The following TMEM44 variants were observed in gnomAD, a reference collection of about 807,000 sequenced individuals.
TMEM44 encodes the protein transmembrane protein 44.
A neutral mutation model predicts 47.8 loss-of-function variants in TMEM44; 43 were observed. That is an observed-to-expected ratio of 0.90 (90% confidence interval 0.70 to 1.16). The LOEUF (loss-of-function observed/expected upper bound fraction) is 1.16, where lower values mean the gene tolerates loss of function less well. Ranked by LOEUF, TMEM44 falls within the 50% of genes most tolerant of loss-of-function variation. The probability of loss-of-function intolerance (pLI) is 0.00; values close to 1 mark genes in which losing one functional copy is unlikely to be tolerated. For synonymous variants in TMEM44, 277 were observed against 238.8 expected, an observed-to-expected ratio of 1.16 and a Z score of -1.48; for missense variants, 568 against 555.2, an observed-to-expected ratio of 1.02 and a Z score of -0.23.
intron 6 of TMEM44, 69 bp downstream of exon 6, chr3:194,617,030 C>T: frequency 7.1e-7 from 1 of 1,408,712 alleles, no homozygotes; most frequent in Non-Finnish European, 9.3e-7. Context: ...GGGGCAGGGG[C>T]AGTGAGAGGA....
rs140459912 is a variant in TMEM44 at position 194,615,704 on chromosome 3, T to C, written c.784-7A>G. The stretch of plus-strand genomic sequence containing the variant: ...CACACGAAAGGAAAATAATCTGAGA[T>C]GGTGTAAGTTAAGGTAGGAAGCAGA... On this transcript the variant is annotated splice_polypyrimidine_tract_variant and splice_region_variant and intron_variant, in intron 6 of 9. Transcript: ENST00000347147. The C allele has an allele frequency of 1.2e-6, 2 of 1,613,534 alleles. No individual in the cohort carries two copies. Among genetic ancestry groups the C allele is most frequent in the South Asian group, 2.2e-5 (2 of 91,072 alleles).
rs1486665494 is a variant in TMEM44, at chr3:194,588,478, A to G, written c.*51T>C. 4.5e-6 allele frequency: 7 copies of G among 1,548,960 alleles called. No individual in the cohort carries two copies. The East Asian group carries it at 1.6e-4, about 35-fold the overall frequency. ...CAGATTGATTCCCGCTGCGTTACTG[A>G]ACGAACTCCTGACCCTGGGCTCTGA... On this transcript the variant is annotated 3_prime_UTR_variant, in exon 10 of 10. Coordinates refer to ENST00000347147, the MANE Select transcript of TMEM44 (RefSeq NM_001011655.3).
intron 1 of TMEM44, among the ~76,000 whole-genome samples, chr3:194,629,579 T>C (rs1258482941): frequency 6.9e-6 from 1 of 145,228 alleles, no homozygotes; most frequent in Non-Finnish European, 1.5e-5. Context: ...TTGTCGTACA[T>C]GCCTCCTGAA....
At chr3:194,606,526 G>A (rs948963372) in intron 8 of TMEM44, among the ~76,000 whole-genome samples, 9 of 152,056 alleles carry the variant, frequency 5.9e-5, no homozygotes, top group African/African-American at 1.9e-4. Flanking sequence ...TCCCTGAATC[G>A]GGCAGGCTTA....
In TMEM44 at chr3:194,604,373, G is replaced by T; in HGVS notation, c.1090C>A (p.Pro364Thr). Residue 364 changes from proline (P) to threonine (T), a missense_variant, in exon 9 of 10, where the codon CCG becomes ACG. Transcript: ENST00000347147. ...ATGACCTGAACGGGAGGGTACGACG[G>T]GGGGTCCTGCAGGGACGCATCTCCG... ...SAGDASLQDP[P>T]SYPPVQVIRA... 2 of 1,560,548 alleles carry T rather than the reference G, an allele frequency of 1.3e-6. No individual in the cohort carries two copies. Among genetic ancestry groups the T allele is most frequent in the Non-Finnish European group, 1.7e-6 (2 of 1,152,256 alleles).
Position 194,625,859 on chromosome 3 carries a change from G to T in TMEM44, c.358+38C>A, listed in dbSNP as rs758391133. 8 of 1,536,478 alleles carry T rather than the reference G, an allele frequency of 5.2e-6. No individual in the cohort carries two copies. In the Admixed American group the frequency reaches 1.3e-4, roughly 26 times the overall value. On this transcript the variant is annotated intron_variant, in intron 3 of 9. Coordinates refer to ENST00000347147, the MANE Select transcript of TMEM44 (RefSeq NM_001011655.3). Reference sequence around the variant, plus strand: ...GCATTCGGCGTGCTGATGAATGAATGGGTGAATAAAGACAGGAAAAGACAG... The same window carrying T: ...GCATTCGGCGTGCTGATGAATGAATTGGTGAATAAAGACAGGAAAAGACAG...
At chr3:194,617,785 AGGTGGTTGGGTCATGGG>A (rs1716098655) in intron 5 of TMEM44, 1 of 702,164 alleles carries the variant, frequency 1.4e-6, no homozygotes, top group African/African-American at 1.8e-5. Context: ...GCCTGGTGGG[AGGTGGTTGGGTCATGGG>A]GTGGATATCT....
intron 9 of TMEM44, among the ~76,000 whole-genome samples, chr3:194,599,066 C>A (rs1713758967): frequency 6.6e-6 from 1 of 152,138 alleles, no homozygotes; most frequent in South Asian, 2.1e-4. Context: ...TGGTCTGAGC[C>A]CAACGCCATG....
Position 194,592,855 on chromosome 3 carries a change from C to T in TMEM44, c.1177-4216G>A, listed in dbSNP as rs138218582. On this transcript the variant is annotated intron_variant, in intron 9 of 9. Coordinates refer to ENST00000347147, the MANE Select transcript of TMEM44 (RefSeq NM_001011655.3). ...TCTTGAACTCCTGACCTCAGGTGAT[C>T]GCCCACCTCGGCCTCCCAAAGTGCT... Among the ~76,000 whole-genome samples the T allele has an allele frequency of 7.2e-3, 1,101 of 152,142 alleles. 13 individuals carry two copies. Among genetic ancestry groups the T allele is most frequent in the African/African-American group, 0.023 (942 of 41,508 alleles).
chr3:194,632,601 A>G (rs921519844), intron 1 of TMEM44, among the ~76,000 whole-genome samples: 1 of 152,192 alleles, frequency 6.6e-6, no homozygotes, highest in African/African-American at 2.4e-5. Context: ...GGCCAGAAAC[A>G]TCAAGGGACT....
chr3:194,593,004 G>A, intron 9 of TMEM44: 3 of 1,612,572 alleles, frequency 1.9e-6, no homozygotes, highest in Non-Finnish European at 2.5e-6. Context: ...GCCATAGGAA[G>A]TCCCTCCTGG....
intron 9 of TMEM44, among the ~76,000 whole-genome samples, chr3:194,601,611 C>G (rs1448249924): frequency 1.3e-5 from 2 of 152,012 alleles, no homozygotes; most frequent in Non-Finnish European, 2.9e-5. Context: ...CCATGCCAGG[C>G]TAATTTTTGT....
At chr3:194,631,044 C>G (rs1438307972) in intron 1 of TMEM44, among the ~76,000 whole-genome samples, 2 of 150,358 alleles carry the variant, frequency 1.3e-5, no homozygotes, top group African/African-American at 4.9e-5. Context: ...GTCGGCATCA[C>G]TGATAGGGCC....
chr3:194,588,531 A>T lies in TMEM44; in HGVS notation c.1285T>A (p.Ter429LysextTer19). 6.2e-7 allele frequency: 1 copy of T among 1,613,698 alleles called. No individual in the cohort carries two copies. ...VRTAHLSDDD[*>K] ...TGATGAGCTGGCTCCAGAAGGTGTT[A>T]ATCATCATCACTCAGGTGTGCTGTC... The change falls in exon 10 of 10, where the codon TAA becomes AAA. Residue 429 changes from the stop codon to lysine (K), a stop_lost. Transcript: ENST00000347147.
intron 9 of TMEM44, among the ~76,000 whole-genome samples, chr3:194,594,730 G>A (rs1309287784): frequency 6.6e-6 from 1 of 151,776 alleles, no homozygotes; most frequent in Non-Finnish European, 1.5e-5. Flanking sequence ...GGTTGAAAAA[G>A]TTAACTTAGC....
rs931615155 is a variant in TMEM44, at chr3:194,610,263, G to A, written c.1017+653C>T. Reference sequence around the variant, plus strand: ...GATAGACTCCGTGTCTAAACGACCCGACCCCTGCCTCCTCCAGCCCTTTCA... The same window carrying A: ...GATAGACTCCGTGTCTAAACGACCCAACCCCTGCCTCCTCCAGCCCTTTCA... On this transcript the variant is annotated intron_variant, in intron 8 of 9. Coordinates refer to ENST00000347147, the MANE Select transcript of TMEM44 (RefSeq NM_001011655.3). 4.7e-5 allele frequency among the ~76,000 whole-genome samples: 7 copies of A among 150,462 alleles called. No homozygotes were observed. The South Asian group carries it at 1.3e-3, about 27-fold the overall frequency.
At chr3:194,621,834 C>T (rs1716573397) in intron 5 of TMEM44, among the ~76,000 whole-genome samples, 1 of 152,130 alleles carries the variant, frequency 6.6e-6, no homozygotes, top group South Asian at 2.1e-4. Context: ...CATCCTGCCT[C>T]CACAGTAGCT....
chr3:194,628,818 T>G (rs538992831), intron 1 of TMEM44, among the ~76,000 whole-genome samples: 1 of 152,088 alleles, frequency 6.6e-6, no homozygotes, highest in African/African-American at 2.4e-5. Flanking sequence ...CACCTAGCAC[T>G]GAAAAAGCAG....
At chr3:194,616,866 G>A (rs924408975) in intron 6 of TMEM44, 2 of 559,928 alleles carry the variant, frequency 3.6e-6, no homozygotes, top group Admixed American at 6.6e-5. Context: ...CTGCACTCCA[G>A]CCTGGGCAAC....
Sources: gnomAD v4.1 joint callset for allele counts (sites outside exome capture counted in the v4.1 genomes callset) on GRCh38, gnomAD v4.1.1 for gene constraint, MANE v1.5 for transcripts, NCBI Gene and HGNC (gene_info 2026-07-23, HGNC 2026-07-21) for gene names.